AUTS2: variants seen among roughly 807,000 people sequenced by gnomAD.
AUTS2 encodes activator of transcription and developmental regulator AUTS2.
In AUTS2, 17 loss-of-function variants were observed where a neutral mutation model predicts 112.4. The observed-to-expected ratio is 0.15, with a 90% CI of 0.10 to 0.23. The LOEUF (loss-of-function observed/expected upper bound fraction) is 0.23. Ranked by LOEUF, AUTS2 falls within the 10% of genes least tolerant of loss-of-function variation. The probability of loss-of-function intolerance (pLI) is 1.00; values close to 1 mark genes in which losing one functional copy is unlikely to be tolerated. For missense variants in AUTS2, 1,510 were observed against 1,701.6 expected, an observed-to-expected ratio of 0.89 and a Z score of 1.98; for synonymous variants, 751 against 702.7, an observed-to-expected ratio of 1.07 and a Z score of -1.09.
intron 1 of AUTS2, among the ~76,000 whole-genome samples, chr7:69,600,708 G>T (rs200413858): frequency 6.6e-6 from 1 of 151,658 alleles, no homozygotes; most frequent in East Asian, 1.9e-4. Flanking sequence ...CACATACATA[G>T]GCACATGTGT....
intron 1 of AUTS2, among the ~76,000 whole-genome samples, chr7:69,888,346 G>C (rs954513371): frequency 1.3e-5 from 2 of 151,372 alleles, no homozygotes; most frequent in Admixed American, 6.6e-5. Context: ...GAGGTCGCAT[G>C]ATGAGAGAGG....
intron 6 of AUTS2, among the ~76,000 whole-genome samples, chr7:70,750,372 G>A (rs12698934): frequency 0.16 from 19,878 of 126,156 alleles, 1,713 homozygotes; most frequent in East Asian, 0.26. Flanking sequence ...TTTCCATGCT[G>A]GAGTGCAGTG....
chr7:70,560,796 T>C (rs1801455741), intron 5 of AUTS2, among the ~76,000 whole-genome samples: 1 of 152,254 alleles, frequency 6.6e-6, no homozygotes. Flanking sequence ...TTTTGTCCTC[T>C]GATTGAGGAC....
chr7:70,479,685 G>T (rs1385537127), intron 5 of AUTS2, among the ~76,000 whole-genome samples: 1 of 152,134 alleles, frequency 6.6e-6, no homozygotes, highest in East Asian at 1.9e-4. Flanking sequence ...GAGGACATTG[G>T]TTTTTCTGGC....
chr7:69,680,311 A>G (rs904878189), intron 1 of AUTS2, among the ~76,000 whole-genome samples: 1 of 152,236 alleles, frequency 6.6e-6, no homozygotes, highest in African/African-American at 2.4e-5. Context: ...CCAGGTGGCA[A>G]ATATACTGTC....
intron 4 of AUTS2, among the ~76,000 whole-genome samples, chr7:70,299,330 T>A (rs1206501623): frequency 6.6e-6 from 1 of 152,240 alleles, no homozygotes. Flanking sequence ...TCACACATGA[T>A]GACTCATGCA....
At chr7:70,454,187 G>A (rs1380529063) in intron 5 of AUTS2, among the ~76,000 whole-genome samples, 1 of 152,160 alleles carries the variant, frequency 6.6e-6, no homozygotes, top group Admixed American at 6.5e-5. Flanking sequence ...AGATCTGAAT[G>A]GGGGTCTCTC....
chr7:69,646,851 G>A (rs977966404), intron 1 of AUTS2, among the ~76,000 whole-genome samples: 1 of 152,228 alleles, frequency 6.6e-6, no homozygotes, highest in Middle Eastern at 3.4e-3. Context: ...TCTTGGGAGG[G>A]CGAGGCAGGC....
intron 5 of AUTS2, among the ~76,000 whole-genome samples, chr7:70,521,953 C>G (rs1799663518): frequency 6.6e-6 from 1 of 152,114 alleles, no homozygotes; most frequent in African/African-American, 2.4e-5. Flanking sequence ...GAGAGGATCA[C>G]ATGAAATAAC....
At chr7:70,481,388 TAAGC>T (rs1426737544) in intron 5 of AUTS2, among the ~76,000 whole-genome samples, 9 of 152,226 alleles carry the variant, frequency 5.9e-5, no homozygotes, top group Non-Finnish European at 1.2e-4. Context: ...GGTCAACTTT[TAAGC>T]AAGCTTTAAA....
At chr7:70,418,854 G>GT (rs34232313) in intron 4 of AUTS2, among the ~76,000 whole-genome samples, 14,354 of 148,166 alleles carry the variant, frequency 0.097, 764 homozygotes, top group Middle Eastern at 0.2. Flanking sequence ...TTTTTCCAGT[G>GT]TTTTTTTTTT....
chr7:70,043,735 G>A (rs914377986), intron 2 of AUTS2, among the ~76,000 whole-genome samples: 1 of 151,412 alleles, frequency 6.6e-6, no homozygotes, highest in Admixed American at 6.6e-5. Flanking sequence ...TCAGCCTCCC[G>A]AGTAGCTGGG....
chr7:69,815,175 G>A (rs1790703345), intron 1 of AUTS2, among the ~76,000 whole-genome samples: 1 of 152,134 alleles, frequency 6.6e-6, no homozygotes, highest in Non-Finnish European at 1.5e-5. Context: ...TAGCTGATGT[G>A]CGTTGCTCCA....
chr7:69,806,197 CTTTTTTTTTTTTTTTT>C (rs56704400), intron 1 of AUTS2, among the ~76,000 whole-genome samples: 85 of 55,028 alleles, frequency 1.5e-3, no homozygotes, highest in African/African-American at 4.3e-3. Context: ...CCAGCCAAGG[CTTTTTTTTTTTTTTTT>C]TTTTTTTTTT....
At chr7:70,123,253 T>G (rs1490858322) in intron 3 of AUTS2, among the ~76,000 whole-genome samples, 1 of 152,166 alleles carries the variant, frequency 6.6e-6, no homozygotes, top group Non-Finnish European at 1.5e-5. Flanking sequence ...GCACAATATT[T>G]TAGAGAATAA....
intron 2 of AUTS2, among the ~76,000 whole-genome samples, chr7:70,097,959 A>G (rs1461604374): frequency 6.6e-6 from 1 of 152,166 alleles, no homozygotes; most frequent in Non-Finnish European, 1.5e-5. Context: ...GCTAATGGAA[A>G]CTCTGGGTAA....
chr7:70,759,731 C>T (rs79557783), intron 6 of AUTS2, among the ~76,000 whole-genome samples: 2 of 152,202 alleles, frequency 1.3e-5, no homozygotes, highest in Non-Finnish European at 2.9e-5. Context: ...CTGCAGGATG[C>T]CATCTGCAAG....
At chr7:70,209,809 G>A (rs2129587504) in intron 4 of AUTS2, among the ~76,000 whole-genome samples, 1 of 152,174 alleles carries the variant, frequency 6.6e-6, no homozygotes, top group South Asian at 2.1e-4. Flanking sequence ...AGCACCCAAG[G>A]TGTTTCTTAT....
chr7:70,639,945 G>A (rs919512449), intron 5 of AUTS2, among the ~76,000 whole-genome samples: 1 of 152,004 alleles, frequency 6.6e-6, no homozygotes, highest in African/African-American at 2.4e-5. Flanking sequence ...CAGAGTCTCT[G>A]TTGTGCTCTT....
Sources: allele counts gnomAD v4.1 joint callset (sites outside exome capture counted in the v4.1 genomes callset), GRCh38; gene constraint gnomAD v4.1.1; transcripts MANE v1.5; gene names NCBI Gene and HGNC (gene_info 2026-07-23, HGNC 2026-07-21).